The following RGPD3 variants were observed in gnomAD, a reference collection of about 807,000 sequenced individuals.
RGPD3 encodes the protein RANBP2 like and GRIP domain containing 3.
In RGPD3, 62 loss-of-function variants were observed where a neutral mutation model predicts 154.5. The observed-to-expected ratio is 0.40, with a 90% CI of 0.33 to 0.50. The LOEUF (loss-of-function observed/expected upper bound fraction) is 0.50, where lower values mean the gene tolerates loss of function less well. Among genes scored for constraint, RGPD3 ranks in the 20% least tolerant of loss-of-function variants. The probability of loss-of-function intolerance (pLI) is 0.59; values close to 1 mark genes in which losing one functional copy is unlikely to be tolerated. For synonymous variants in RGPD3, 308 were observed against 607.0 expected (o/e 0.51, Z 7.24); for missense variants, 919 against 1,716.8 (o/e 0.54, Z 8.21).
chr2:106,461,647 G>A (rs559259854), intron 1 of RGPD3, among the ~76,000 whole-genome samples: 2,958 of 150,798 alleles, frequency 0.02, 38 homozygotes, highest in Non-Finnish European at 0.033. Context: ...TACCAGCAAC[G>A]AACAATCAGA....
At position 106,424,953 on chromosome 2, in the gene RGPD3, G is replaced by A. The variant is rs1178102902; in HGVS notation, c.3014C>T (p.Ser1005Leu). 6.2e-7 allele frequency: 1 copy of A among 1,611,752 alleles called. No homozygotes were observed. The highest frequency in any genetic ancestry group is 2.2e-5 in the East Asian group (1 of 44,864). The change falls in exon 20 of 23, where the codon TCA becomes TTA. Residue 1005 changes from serine to leucine, a missense_variant. Transcript: ENST00000409886. ...ATTGGCCATTTTACCGTATTGTGAT[G>A]AGAATAATTTTTCTCCAGCACCTGA... is the stretch of plus-strand genomic sequence containing the variant. Reference protein sequence around the residue: ...GFSGAGEKLFSSQYGKMANKA... With the variant: ...GFSGAGEKLFLSQYGKMANKA...
rs868398247 is a variant in RGPD3 at position 106,404,713 on chromosome 2, G to A, written c.*506C>T. ...CAATCACAGCTCACTAGCCTCAAAC[G>A]ATTCTCCAGCCTCAGCCTCCCCAAG... On this transcript the variant is annotated 3_prime_UTR_variant, in exon 23 of 23. Coordinates refer to ENST00000409886, the MANE Select transcript of RGPD3 (RefSeq NM_001144013.2). Among the ~76,000 whole-genome samples the A allele has an allele frequency of 6.1e-4, 51 of 84,280 alleles. 1 individual carries two copies. Among genetic ancestry groups the A allele is most frequent in the Non-Finnish European group, 7.6e-4 (30 of 39,352 alleles). 55.3% of individuals were successfully genotyped at this position (84,280 alleles called of 152,430 possible). A position where few individuals can be genotyped will look rare whatever the true frequency, so the allele number is the denominator to read the frequency against.
chr2:106,425,136 T>C lies in RGPD3; in HGVS notation c.2831A>G (p.Asp944Gly), dbSNP rs1412493611. 1.9e-6 allele frequency: 3 copies of C among 1,611,980 alleles called. No individual in the cohort carries two copies. Among genetic ancestry groups the C allele is most frequent in the East Asian group, 4.5e-5 (2 of 44,882 alleles). ...EKKSEKPLENDTGLQAQDISG... is the reference protein window; with the variant it reads ...EKKSEKPLENGTGLQAQDISG... ...AATATCCTGAGCCTGTAAGCCAGTA[T>C]CATTTTCAAGAGGCTTTTCACTTTT... Residue 944 changes from aspartate to glycine, a missense_variant, in exon 20 of 23, where the codon GAT becomes GGT. By Grantham distance (94) the Asp-to-Gly change is moderately conservative (BLOSUM62 -1). Coordinates refer to ENST00000409886, the MANE Select transcript of RGPD3 (RefSeq NM_001144013.2).
Position 106,468,297 on chromosome 2 carries a change from C to G in RGPD3, c.-9G>C. On this transcript the variant is annotated 5_prime_UTR_variant, in exon 1 of 23. Transcript: ENST00000409886. The stretch of plus-strand genomic sequence containing the variant: ...GCCTTGCTGCAACTCATCGCGCCAC[C>G]AACCTGGCTCCCGAGATGCGTGAGA... 2 of 1,602,838 alleles carry G rather than the reference C, an allele frequency of 1.2e-6. No individual in the cohort carries two copies. The highest frequency in any genetic ancestry group is 1.7e-6 in the Non-Finnish European group (2 of 1,176,192).
chr2:106,432,155 C>T (rs1409497844), intron 17 of RGPD3, among the ~76,000 whole-genome samples: 1 of 148,772 alleles, frequency 6.7e-6, no homozygotes, highest in Non-Finnish European at 1.5e-5. Flanking sequence ...AAAGTACTTT[C>T]AAAAATATAG....
intron 1 of RGPD3, among the ~76,000 whole-genome samples, chr2:106,466,950 C>A (rs1271735286): frequency 1.0e-4 from 12 of 119,184 alleles, no homozygotes; most frequent in African/African-American, 3.4e-4. Flanking sequence ...GGAGCCATGA[C>A]GCCTGAGCCA....
chr2:106,415,122 T>C (rs1285268499), intron 21 of RGPD3, among the ~76,000 whole-genome samples: 1 of 151,208 alleles, frequency 6.6e-6, no homozygotes. Flanking sequence ...TCCTAGATGT[T>C]TCTGGTGTCT....
In RGPD3 at chr2:106,415,835, G is replaced by C. The variant is rs1471835955; in HGVS notation, c.5064+15C>G. The C allele has an allele frequency of 6.2e-7, 1 of 1,611,742 alleles. No homozygotes were observed. Among genetic ancestry groups the C allele is most frequent in the Non-Finnish European group, 8.5e-7 (1 of 1,179,788 alleles). On this transcript the variant is annotated intron_variant, in intron 21 of 22. Coordinates refer to ENST00000409886, the MANE Select transcript of RGPD3 (RefSeq NM_001144013.2). Reference sequence around the variant, plus strand: ...AACTGGCAGTTTTTATGGTGGCCAGGTTTTCTGATCTCACCTTAATTTGCT... The same window carrying C: ...AACTGGCAGTTTTTATGGTGGCCAGCTTTTCTGATCTCACCTTAATTTGCT...
Position 106,416,102 on chromosome 2 carries a change from G to A in RGPD3, c.4925-113C>T, listed in dbSNP as rs571402137. The stretch of plus-strand genomic sequence containing the variant: ...TTACTATGTGATATTTTATAGCTCT[G>A]CTTTCTTTGCCATTCATCTATTCGG... On this transcript the variant is annotated intron_variant, in intron 20 of 22. Coordinates refer to ENST00000409886, the MANE Select transcript of RGPD3 (RefSeq NM_001144013.2). 118 of 1,512,738 alleles carry A rather than the reference G, an allele frequency of 7.8e-5. No individual in the cohort carries two copies. The East Asian group carries it at 2.5e-3, about 32-fold the overall frequency. The allele number at this position is 1,512,738 out of a possible 1,614,324, so 93.7% of individuals were successfully genotyped here.
intron 18 of RGPD3, among the ~76,000 whole-genome samples, chr2:106,426,293 A>G (rs968054735): frequency 6.7e-6 from 1 of 148,624 alleles, no homozygotes; most frequent in Non-Finnish European, 1.5e-5. Context: ...TGACATGAAG[A>G]ATAAGAGAAT....
intron 1 of RGPD3, among the ~76,000 whole-genome samples, chr2:106,467,883 A>T (rs1248728102): frequency 9.3e-6 from 1 of 108,062 alleles, no homozygotes; most frequent in Admixed American, 9.2e-5. Flanking sequence ...AGGCCGCCGC[A>T]GGGCCAGGTC....
intron 2 of RGPD3, among the ~76,000 whole-genome samples, chr2:106,458,900 A>G (rs1377310172): frequency 1.0e-3 from 107 of 107,456 alleles, no homozygotes; most frequent in South Asian, 1.7e-3. Context: ...TTACAATTAC[A>G]GTTTAATTTT....
At chr2:106,448,822 C>G (rs1318918534) in intron 6 of RGPD3, among the ~76,000 whole-genome samples, 2 of 151,746 alleles carry the variant, frequency 1.3e-5, no homozygotes, top group Non-Finnish European at 2.9e-5. Flanking sequence ...TCCCGAGCAG[C>G]TGGGACTATA....
chr2:106,465,071 A>G (rs997800698), intron 1 of RGPD3, among the ~76,000 whole-genome samples: 8 of 151,640 alleles, frequency 5.3e-5, no homozygotes, highest in African/African-American at 1.9e-4. Context: ...GAAGACTAGA[A>G]AGATATGATA....
chr2:106,424,541 G>A lies in RGPD3; in HGVS notation c.3426C>T (p.Ala1142=). The A allele has an allele frequency of 6.2e-7, 1 of 1,608,768 alleles. No homozygotes were observed. Among genetic ancestry groups the A allele is most frequent in the Non-Finnish European group, 8.5e-7 (1 of 1,179,510 alleles). The stretch of plus-strand genomic sequence containing the variant: ...ATTTTGCTGCCAATCGCTCTAGTTT[G>A]GCATCACCATCAGAGAAATCACTGG... The part of the protein sequence containing the change: ...WSASDFSDGD[A]KLERLAAKFK... The change falls in exon 20 of 23, where the codon GCC becomes GCT. Residue 1142 remains alanine (A), a synonymous_variant. Transcript: ENST00000409886.
intron 20 of RGPD3, among the ~76,000 whole-genome samples, chr2:106,417,999 G>C (rs574612528): frequency 6.8e-6 from 1 of 146,506 alleles, no homozygotes; most frequent in South Asian, 2.3e-4. Flanking sequence ...CACAGTGGCA[G>C]GTGCCTGTAA....
chr2:106,466,321 A>G (rs1223104544), intron 1 of RGPD3, among the ~76,000 whole-genome samples: 3 of 150,900 alleles, frequency 2.0e-5, no homozygotes, highest in Non-Finnish European at 3.0e-5. Flanking sequence ...GCCAGGGAGC[A>G]GCGCCCGTCA....
chr2:106,434,323 C>T lies in RGPD3; in HGVS notation c.2110G>A (p.Glu704Lys). 6.2e-7 allele frequency: 1 copy of T among 1,610,376 alleles called. No individual in the cohort carries two copies. The highest frequency in any genetic ancestry group is 8.5e-7 in the Non-Finnish European group (1 of 1,179,198). ...DIANDALSPE[E>K]QEECKNYLRK... ...AGATAATTTTTGCATTCTTCTTGTT[C>T]TTCAGGAGAAAGGGCATCATTTGCA... Residue 704 changes from glutamate (E) to lysine (K), a missense_variant, in exon 15 of 23, where the codon GAA becomes AAA. By Grantham distance (56) the Glu-to-Lys change is moderately conservative. Coordinates refer to ENST00000409886, the MANE Select transcript of RGPD3 (RefSeq NM_001144013.2).
At chr2:106,418,229 T>C (rs1173979867) in intron 20 of RGPD3, among the ~76,000 whole-genome samples, 2 of 146,018 alleles carry the variant, frequency 1.4e-5, no homozygotes, top group Non-Finnish European at 3.0e-5. Context: ...TAAGACAAAC[T>C]GTTAGATAAC....
Sources: gnomAD v4.1 joint callset for allele counts (sites outside exome capture counted in the v4.1 genomes callset) on GRCh38, gnomAD v4.1.1 for gene constraint, MANE v1.5 for transcripts, NCBI Gene and HGNC (gene_info 2026-07-23, HGNC 2026-07-21) for gene names.